DHRSX: variants seen among roughly 807,000 people sequenced by gnomAD.
The protein encoded by DHRSX is polyprenol dehydrogenase.
A neutral mutation model predicts 34.0 loss-of-function variants in DHRSX; 31 were observed. The ratio of observed to expected loss-of-function variants is 0.91; its 90% CI spans 0.69 to 1.23. The LOEUF (loss-of-function observed/expected upper bound fraction) is 1.23, where lower values mean the gene tolerates loss of function less well. DHRSX is among the 50% of genes most tolerant of loss of function. The pLI is 0.00. For missense variants in DHRSX, 414 were observed against 428.1 expected, an observed-to-expected ratio of 0.97 and a Z score of 0.29; for synonymous variants, 201 against 183.8, an observed-to-expected ratio of 1.09 and a Z score of -0.76.
At position 2,465,736 on chromosome X, in the gene DHRSX, G is replaced by A. The variant is rs372990035; in HGVS notation, c.109+35081C>T. Among the ~76,000 whole-genome samples, 146 of 150,502 alleles carry A rather than the reference G, an allele frequency of 9.7e-4. No individual in the cohort carries two copies. In the Middle Eastern group the frequency reaches 0.01, roughly 11 times the overall value. On this transcript the variant is annotated intron_variant, in intron 1 of 6. Coordinates refer to ENST00000334651, the MANE Select transcript of DHRSX (RefSeq NM_145177.3). ...AGGCAGGAGAATTGCTTGAACCCAG[G>A]AGATGATGGCTGCAGTGAGCCCAGA...
At chrX:2,238,060 C>T (rs1350045385) in intron 6 of DHRSX, among the ~76,000 whole-genome samples, 2 of 152,020 alleles carry the variant, frequency 1.3e-5, no homozygotes, top group African/African-American at 4.8e-5. Context: ...GTATACAGGA[C>T]AAATCAAACC....
chrX:2,258,661 G>C (rs759939386), intron 5 of DHRSX, among the ~76,000 whole-genome samples: 135 of 152,304 alleles, frequency 8.9e-4, no homozygotes, highest in African/African-American at 3.2e-3. Flanking sequence ...TAAGCCACTA[G>C]GTCCGTGGTA....
At chrX:2,442,462 A>ATG (rs1158744270) in intron 1 of DHRSX, among the ~76,000 whole-genome samples, 1 of 149,882 alleles carries the variant, frequency 6.7e-6, no homozygotes, top group Non-Finnish European at 1.5e-5. Flanking sequence ...ATGGGTGTCT[A>ATG]TGTGTGTGTG....
chrX:2,375,532 T>C (rs1183647573), intron 3 of DHRSX, among the ~76,000 whole-genome samples: 1 of 137,386 alleles, frequency 7.3e-6, no homozygotes, highest in African/African-American at 2.5e-5. Flanking sequence ...AGGGTTGTTT[T>C]GGTTTCCTTG....
Position 2,248,628 on chromosome X carries a change from A to AAAAAAAAAG in DHRSX, c.597-5399_597-5398insCTTTTTTTT, listed in dbSNP as rs1556433590. Among the ~76,000 whole-genome samples, 37 of 104,274 alleles carry AAAAAAAAAG rather than the reference A, an allele frequency of 3.5e-4. 1 individual carries two copies. Among genetic ancestry groups the AAAAAAAAAG allele is most frequent in the African/African-American group, 1.3e-3 (29 of 22,118 alleles). The allele number at this position is 104,274 out of a possible 152,430, so 68.4% of individuals were successfully genotyped here. On this transcript the variant is annotated intron_variant, in intron 5 of 6. Transcript: ENST00000334651. ...GACTCTGTCTCAAAAAAAAAAAAAG[A>AAAAAAAAAG]AAAAGAAAAGAAAAGAAAAAGAAAG...
At chrX:2,398,905 T>G (rs977921662) in intron 3 of DHRSX, among the ~76,000 whole-genome samples, 8 of 152,042 alleles carry the variant, frequency 5.3e-5, no homozygotes, top group African/African-American at 1.9e-4. Context: ...CAGGCTGGAG[T>G]GCAGTGGCGC....
intron 1 of DHRSX, among the ~76,000 whole-genome samples, chrX:2,448,344 T>C (rs73175603): frequency 0.045 from 6,841 of 151,990 alleles, 271 homozygotes; most frequent in South Asian, 0.14. Context: ...AAAATATAAA[T>C]TACATTAAAA....
chrX:2,398,953 C>T (rs948085711), intron 3 of DHRSX, among the ~76,000 whole-genome samples: 3 of 151,978 alleles, frequency 2.0e-5, no homozygotes, highest in African/African-American at 2.4e-5. Flanking sequence ...CCCGGGTTCA[C>T]GCCATTCTCC....
intron 1 of DHRSX, among the ~76,000 whole-genome samples, chrX:2,427,959 C>A (rs1250658641): frequency 6.6e-6 from 1 of 152,082 alleles, no homozygotes; most frequent in African/African-American, 2.4e-5. Flanking sequence ...TTTGCAGCAA[C>A]ACGAAGGGAA....
Position 2,266,760 on chromosome X carries a change from G to A in DHRSX, c.576C>T (p.Asn192=). 1.2e-6 allele frequency: 2 copies of A among 1,613,976 alleles called. No homozygotes were observed. Among genetic ancestry groups the A allele is most frequent in the Non-Finnish European group, 1.7e-6 (2 of 1,179,868 alleles). Residue 192 remains asparagine, a synonymous_variant, in exon 5 of 7, where the codon AAC becomes AAT. Transcript: ENST00000334651. ...SSATHYVAEL[N]MDDLQSSACY... Reference sequence around the variant, plus strand: ...CCTACCTGCTCTGAAGGTCATCCATGTTCAGCTCAGCGACGTAATGGGTGG... The same window carrying A: ...CCTACCTGCTCTGAAGGTCATCCATATTCAGCTCAGCGACGTAATGGGTGG...
intron 3 of DHRSX, among the ~76,000 whole-genome samples, chrX:2,381,277 TTCTAAAAGGGACCCCAGAGAGCTCCC>T (rs1396910842): frequency 6.6e-6 from 1 of 152,128 alleles, no homozygotes; most frequent in East Asian, 1.9e-4. Flanking sequence ...ATGAGTGTCC[TTCTAAAAGGGACCCCAGAGAGCTCCC>T]TCGACCCTTC....
chrX:2,351,010 CA>C (rs1403476667), intron 3 of DHRSX, among the ~76,000 whole-genome samples: 1 of 152,068 alleles, frequency 6.6e-6, no homozygotes, highest in Non-Finnish European at 1.5e-5. Flanking sequence ...TGTTTTCACT[CA>C]TAAGTGGGAG....
chrX:2,274,704 C>G (rs2041601599), intron 4 of DHRSX, among the ~76,000 whole-genome samples: 1 of 151,324 alleles, frequency 6.6e-6, no homozygotes, highest in South Asian at 2.1e-4. Context: ...GTGCTGGGAT[C>G]CCAGGTGTGA....
In DHRSX at chrX:2,248,156, G is replaced by A. The variant is rs148623092; in HGVS notation, c.597-4926C>T. Among the ~76,000 whole-genome samples the A allele has an allele frequency of 7.9e-3, 1,208 of 151,986 alleles. 8 individuals are homozygous for A. The highest frequency in any genetic ancestry group is 0.025 in the African/African-American group (1,035 of 41,460). The stretch of plus-strand genomic sequence containing the variant: ...CTACTGAAAATACAAACATTAGGCC[G>A]GGCACGGTGGCTCACGTCTGTAATC... On this transcript the variant is annotated intron_variant, in intron 5 of 6. Coordinates refer to ENST00000334651, the MANE Select transcript of DHRSX (RefSeq NM_145177.3).
chrX:2,489,168 C>T (rs1446179909), intron 1 of DHRSX: 2 of 1,613,534 alleles, frequency 1.2e-6, no homozygotes, highest in Non-Finnish European at 8.5e-7. Flanking sequence ...AAGATCTTGT[C>T]CTCAGCCGGC....
intron 6 of DHRSX, among the ~76,000 whole-genome samples, chrX:2,230,870 A>C (rs971342950): frequency 6.6e-6 from 1 of 152,146 alleles, no homozygotes; most frequent in Non-Finnish European, 1.5e-5. Context: ...ATTAAACTAA[A>C]TCTTTCTCTA....
intron 1 of DHRSX, among the ~76,000 whole-genome samples, chrX:2,433,763 A>G (rs1374722786): frequency 6.6e-6 from 1 of 151,962 alleles, no homozygotes; most frequent in Non-Finnish European, 1.5e-5. Flanking sequence ...GTAGTATTCC[A>G]TGGTGTATTT....
At chrX:2,495,551 C>G (rs28448606) in intron 1 of DHRSX, among the ~76,000 whole-genome samples, 18,484 of 152,044 alleles carry the variant, frequency 0.12, 1,505 homozygotes, top group African/African-American at 0.22. Flanking sequence ...TGTCAGAATT[C>G]CATGGGATTC....
intron 6 of DHRSX, among the ~76,000 whole-genome samples, chrX:2,241,372 C>CAAG (rs1053834466): frequency 3.9e-5 from 6 of 152,194 alleles, no homozygotes; most frequent in African/African-American, 1.4e-4. Context: ...CAAGATCTCT[C>CAAG]TAACTTCCCC....
Sources: allele counts gnomAD v4.1 joint callset (sites outside exome capture counted in the v4.1 genomes callset), GRCh38; gene constraint gnomAD v4.1.1; transcripts MANE v1.5; gene names NCBI Gene and HGNC (gene_info 2026-07-23, HGNC 2026-07-21).